Variants in PDE4D observed in about 807,000 individuals in gnomAD.
PDE4D encodes 3',5'-cyclic-AMP phosphodiesterase 4D.
In PDE4D, 24 loss-of-function variants were observed where a neutral mutation model predicts 87.4. The ratio of observed to expected loss-of-function variants is 0.27; its 90% CI spans 0.20 to 0.39. PDE4D has a LOEUF of 0.39. Among genes scored for constraint, PDE4D ranks in the 10% least tolerant of loss-of-function variants. PDE4D has a pLI of 1.00. For missense variants in PDE4D, 714 were observed against 1,041.0 expected, an observed-to-expected ratio of 0.69 and a Z score of 4.32; for synonymous variants, 384 against 383.2, an observed-to-expected ratio of 1.00 and a Z score of -0.02.
At chr5:59,471,823 A>G (rs7729912) in intron 1 of PDE4D, among the ~76,000 whole-genome samples, 13,032 of 152,244 alleles carry the variant, frequency 0.086, 577 homozygotes, top group Middle Eastern at 0.12. Context: ...GTTGTAGTAT[A>G]ATATATTACA....
At chr5:60,045,675 A>G (rs1769139119) in intron 2 of PDE4D, among the ~76,000 whole-genome samples, 1 of 152,242 alleles carries the variant, frequency 6.6e-6, no homozygotes, top group Non-Finnish European at 1.5e-5. Flanking sequence ...ATAGTTGTAG[A>G]TATGCAGCAT....
rs1006450944 is a variant in PDE4D, at chr5:60,072,412, T to G, written c.43-83695A>C. Among the ~76,000 whole-genome samples, 5 of 152,198 alleles carry G rather than the reference T, an allele frequency of 3.3e-5. 1 individual carries two copies. Among genetic ancestry groups the G allele is most frequent in the African/African-American group, 1.2e-4 (5 of 41,456 alleles). On this transcript the variant is annotated intron_variant, in intron 2 of 16. Transcript: ENST00000502484. Reference sequence around the variant, plus strand: ...TTATAGATGCTGGATATAAGAACTTTGTCAGATGCATAGTTTGCAAATATT... The same window carrying G: ...TTATAGATGCTGGATATAAGAACTTGGTCAGATGCATAGTTTGCAAATATT...
rs35780128 is a variant in PDE4D at position 60,404,161 on chromosome 5, CTTTT to C, written c.-90+83777_-90+83780del. Reference sequence around the variant, plus strand: ...ACCCAGCACCCCGAGTCAGCCAATTCTTTTTTTTTTTTTTTTTTTGTCTCTCTCT... The same window carrying C: ...ACCCAGCACCCCGAGTCAGCCAATTCTTTTTTTTTTTTTTTGTCTCTCTCT... On this transcript the variant is annotated intron_variant, in intron 1 of 16. Transcript: ENST00000502484. Among the ~76,000 whole-genome samples, 864 of 119,376 alleles carry C rather than the reference CTTTT, an allele frequency of 7.2e-3. 6 individuals carry two copies. The highest frequency in any genetic ancestry group is 0.025 in the African/African-American group (816 of 32,016). The allele number at this position is 119,376 out of a possible 152,430, so 78.3% of individuals were successfully genotyped here. A position where few individuals can be genotyped will look rare whatever the true frequency, so the allele number is the denominator to read the frequency against.
At chr5:59,465,586 T>C (rs1801472456) in intron 1 of PDE4D, among the ~76,000 whole-genome samples, 2 of 152,322 alleles carry the variant, frequency 1.3e-5, no homozygotes, top group East Asian at 3.9e-4. Context: ...GAGTTGTCTG[T>C]TTCTTCTCAT....
chr5:59,401,787 G>A (rs1219636562), intron 1 of PDE4D, among the ~76,000 whole-genome samples: 1 of 152,212 alleles, frequency 6.6e-6, no homozygotes, highest in African/African-American at 2.4e-5. Flanking sequence ...CAAGGGAACT[G>A]TGCTGCTCTG....
At chr5:59,048,342 A>G (rs192564910) in intron 5 of PDE4D, among the ~76,000 whole-genome samples, 6 of 152,212 alleles carry the variant, frequency 3.9e-5, no homozygotes, top group Non-Finnish European at 8.8e-5. Flanking sequence ...TCCATCATAT[A>G]CTATCAATCT....
intron 1 of PDE4D, among the ~76,000 whole-genome samples, chr5:60,462,288 G>A (rs934662110): frequency 3.9e-5 from 6 of 152,114 alleles, no homozygotes; most frequent in Non-Finnish European, 7.4e-5. Context: ...ACAGGTGTGC[G>A]CACCCCTAGG....
At chr5:59,245,502 A>G (rs1488988587) in intron 1 of PDE4D, among the ~76,000 whole-genome samples, 1 of 152,158 alleles carries the variant, frequency 6.6e-6, no homozygotes, top group Non-Finnish European at 1.5e-5. Context: ...CATGCCAGCA[A>G]CAACAACAAC....
chr5:59,355,503 A>C (rs1781241131), intron 1 of PDE4D, among the ~76,000 whole-genome samples: 1 of 152,226 alleles, frequency 6.6e-6, no homozygotes, highest in Non-Finnish European at 1.5e-5. Context: ...CTAAATGTAC[A>C]ATTTAGCATA....
At chr5:60,340,044 C>G (rs1019356675) in intron 1 of PDE4D, among the ~76,000 whole-genome samples, 1 of 152,212 alleles carries the variant, frequency 6.6e-6, no homozygotes, top group Non-Finnish European at 1.5e-5. Context: ...GCCAAAACCA[C>G]CGGAGATTAT....
At chr5:60,298,183 ATTAAC>A (rs1753584644) in intron 1 of PDE4D, among the ~76,000 whole-genome samples, 2 of 152,150 alleles carry the variant, frequency 1.3e-5, no homozygotes. Flanking sequence ...AAAAATTCCA[ATTAAC>A]TTATCAGGTA....
At chr5:59,616,972 A>G (rs1272515705) in intron 1 of PDE4D, among the ~76,000 whole-genome samples, 1 of 125,678 alleles carries the variant, frequency 8.0e-6, no homozygotes, top group East Asian at 2.4e-4. Flanking sequence ...GTATTAGGTA[A>G]TAAGTGCACA....
chr5:59,083,154 T>G (rs73093348), intron 5 of PDE4D, among the ~76,000 whole-genome samples: 1 of 152,028 alleles, frequency 6.6e-6, no homozygotes, highest in Non-Finnish European at 1.5e-5. Flanking sequence ...TGGGTTCTAG[T>G]TCTTCTTCCT....
chr5:59,159,676 T>C, intron 5 of PDE4D, among the ~76,000 whole-genome samples: 1 of 152,232 alleles, frequency 6.6e-6, no homozygotes, highest in East Asian at 1.9e-4. Context: ...TTGTAGGATC[T>C]TGTTCACTTT....
In PDE4D at chr5:58,973,036, C is replaced by G. The variant is rs1235167362; in HGVS notation, c.*1628G>C. 6.6e-6 allele frequency: 1 copy of G among 152,180 alleles called. No individual in the cohort carries two copies. Among genetic ancestry groups the G allele is most frequent in the Non-Finnish European group, 1.5e-5 (1 of 68,028 alleles). The allele number at this position is 152,180 out of a possible 1,614,324, so 9.4% of individuals were successfully genotyped here. A position where few individuals can be genotyped will look rare whatever the true frequency, so the allele number is the denominator to read the frequency against. ...AAAGGACTTCCTACACGTTATGTGG[C>G]TGTCCATTAAGGAAGAGTAGTTGCT... On this transcript the variant is annotated 3_prime_UTR_variant, in exon 15 of 15. Transcript: ENST00000340635.
At chr5:60,040,248 TG>T (rs1381154962) in intron 2 of PDE4D, among the ~76,000 whole-genome samples, 1 of 152,222 alleles carries the variant, frequency 6.6e-6, no homozygotes, top group African/African-American at 2.4e-5. Flanking sequence ...GCCTCTTTTT[TG>T]GTACTAGTGT....
In PDE4D at chr5:59,673,494, G is replaced by A. The variant is rs1266000720; in HGVS notation, c.455+219674C>T. Among the ~76,000 whole-genome samples, 4 of 152,128 alleles carry A rather than the reference G, an allele frequency of 2.6e-5. No individual in the cohort carries two copies. The East Asian group carries it at 5.8e-4, about 22-fold the overall frequency. ...TCCCTTTTTGAATGCAAAGTAACAC[G>A]TGCTAATTGTTGTTTTGATGATATT... On this transcript the variant is annotated intron_variant, in intron 1 of 14. Transcript: ENST00000340635.
At chr5:59,737,435 A>G (rs981828664) in intron 1 of PDE4D, among the ~76,000 whole-genome samples, 2 of 152,130 alleles carry the variant, frequency 1.3e-5, no homozygotes, top group African/African-American at 4.8e-5. Context: ...TTGAAAGAAA[A>G]AAATTGTGAC....
At chr5:59,213,801 C>T (rs1362832407) in intron 2 of PDE4D, among the ~76,000 whole-genome samples, 1 of 152,076 alleles carries the variant, frequency 6.6e-6, no homozygotes, top group Non-Finnish European at 1.5e-5. Flanking sequence ...GTCCTCTGGA[C>T]TGTTATTTCT....
Sources: gnomAD v4.1 joint callset for allele counts (sites outside exome capture counted in the v4.1 genomes callset) on GRCh38, gnomAD v4.1.1 for gene constraint, MANE v1.5 for transcripts, NCBI Gene and HGNC (gene_info 2026-07-23, HGNC 2026-07-21) for gene names.